The following TTBK2 variants were observed in gnomAD, a reference collection of about 807,000 sequenced individuals.
TTBK2 encodes the protein tau tubulin kinase 2, also known as tau-tubulin kinase 2.
In TTBK2, 28 loss-of-function variants were observed where a neutral mutation model predicts 110.8. That is an observed-to-expected ratio of 0.25 (90% CI 0.19 to 0.35). The LOEUF is 0.35. Among genes scored for constraint, TTBK2 ranks in the 10% least tolerant of loss-of-function variants. The probability of loss-of-function intolerance (pLI) is 1.00; values close to 1 mark genes in which losing one functional copy is unlikely to be tolerated. For synonymous variants in TTBK2, 532 were observed against 527.3 expected, an observed-to-expected ratio of 1.01 and a Z score of -0.12; for missense variants, 1,369 against 1,500.3, an observed-to-expected ratio of 0.91 and a Z score of 1.45.
intron 3 of TTBK2, among the ~76,000 whole-genome samples, chr15:42,853,506 T>C (rs894004041): frequency 6.6e-6 from 1 of 152,144 alleles, no homozygotes; most frequent in Non-Finnish European, 1.5e-5. Context: ...TAAATAATCC[T>C]TCAATTAATT....
intron 14 of TTBK2, among the ~76,000 whole-genome samples, chr15:42,747,922 T>G (rs1595873175): frequency 6.6e-6 from 1 of 152,110 alleles, no homozygotes; most frequent in East Asian, 1.9e-4. Flanking sequence ...ATGATACACT[T>G]TAGATCGATA....
At chr15:42,829,668 G>A (rs922354336) in intron 5 of TTBK2, among the ~76,000 whole-genome samples, 1 of 152,132 alleles carries the variant, frequency 6.6e-6, no homozygotes, top group Non-Finnish European at 1.5e-5. Flanking sequence ...CTGAGTAGCT[G>A]GGACTATGGG....
chr15:42,812,673 G>T (rs1315860788), intron 7 of TTBK2, among the ~76,000 whole-genome samples: 1 of 152,038 alleles, frequency 6.6e-6, no homozygotes, highest in South Asian at 2.1e-4. Context: ...AGTATCCCAG[G>T]ATTTCAGAAA....
At chr15:42,802,570 AAAAAT>A (rs767068845) in intron 9 of TTBK2, among the ~76,000 whole-genome samples, 3 of 152,348 alleles carry the variant, frequency 2.0e-5, no homozygotes, top group South Asian at 2.1e-4. Flanking sequence ...CTAAACCAGC[AAAAAT>A]AAAATAAAAT....
chr15:42,834,547 G>T (rs1016917698), intron 4 of TTBK2, among the ~76,000 whole-genome samples: 1 of 152,130 alleles, frequency 6.6e-6, no homozygotes, highest in Non-Finnish European at 1.5e-5. Context: ...AAAGACTGCT[G>T]CAGCCTAGTC....
In TTBK2 at chr15:42,845,633, C is replaced by CAA. The variant is rs894783459; in HGVS notation, c.218-5202_218-5201dup. ...TGGGCGACAGAGCAAGGCTGCATCT[C>CAA]AAAAAAAAAAAAAAAAAAAAAAAAA... On this transcript the variant is annotated intron_variant, in intron 3 of 14. Transcript: ENST00000267890. Among the ~76,000 whole-genome samples the CAA allele has an allele frequency of 2.6e-3, 40 of 15,226 alleles. 2 individuals are homozygous for CAA. The highest frequency in any genetic ancestry group is 5.0e-3 in the Non-Finnish European group (24 of 4,782). The allele number at this position is 15,226 out of a possible 152,430, so 10.0% of individuals were successfully genotyped here. A position where few individuals can be genotyped will look rare whatever the true frequency, so the allele number is the denominator to read the frequency against.
At chr15:42,884,798 T>C (rs1453334713) in intron 1 of TTBK2, among the ~76,000 whole-genome samples, 1 of 152,228 alleles carries the variant, frequency 6.6e-6, no homozygotes, top group African/African-American at 2.4e-5. Context: ...TCATATCCCC[T>C]GTGACCTGCA....
At chr15:42,805,809 C>T (rs1891440476) in intron 9 of TTBK2, among the ~76,000 whole-genome samples, 1 of 152,214 alleles carries the variant, frequency 6.6e-6, no homozygotes, top group Admixed American at 6.5e-5. Context: ...ATCATCCACA[C>T]TATACCCTTT....
intron 10 of TTBK2, among the ~76,000 whole-genome samples, chr15:42,793,588 C>T (rs548591955): frequency 1.3e-5 from 2 of 151,874 alleles, no homozygotes. Context: ...GTGGCTCACG[C>T]CTGTAATCCC....
At chr15:42,833,492 C>T (rs972523834) in intron 4 of TTBK2, among the ~76,000 whole-genome samples, 1 of 152,012 alleles carries the variant, frequency 6.6e-6, no homozygotes, top group Non-Finnish European at 1.5e-5. Context: ...TATTATTCAC[C>T]TCCCCATCCA....
chr15:42,790,435 A>C (rs924537429), intron 10 of TTBK2, among the ~76,000 whole-genome samples: 6 of 148,668 alleles, frequency 4.0e-5, no homozygotes, highest in Non-Finnish European at 3.0e-5. Context: ...TAGGTGCACA[A>C]CACCACACCC....
intron 13 of TTBK2, among the ~76,000 whole-genome samples, chr15:42,770,181 C>A (rs577291224): frequency 6.6e-6 from 1 of 151,992 alleles, no homozygotes; most frequent in East Asian, 1.9e-4. Context: ...ACCAACATGG[C>A]ACATGTATAC....
chr15:42,788,461 TG>T (rs1890504512), intron 10 of TTBK2, among the ~76,000 whole-genome samples: 1 of 152,190 alleles, frequency 6.6e-6, no homozygotes, highest in Non-Finnish European at 1.5e-5. Context: ...TCTGTTCACT[TG>T]ATCTGTCTTA....
Position 42,794,724 on chromosome 15 carries a change from A to G in TTBK2, c.900T>C (p.Thr300=), listed in dbSNP as rs1890857510. 3 of 1,614,202 alleles carry G rather than the reference A, an allele frequency of 1.9e-6. No individual in the cohort carries two copies. Among genetic ancestry groups the G allele is most frequent in the Non-Finnish European group, 2.5e-6 (3 of 1,180,044 alleles). Residue 300 remains threonine (T), a synonymous_variant, in exon 10 of 15, where the codon ACT becomes ACC. Coordinates refer to ENST00000267890, the MANE Select transcript of TTBK2 (RefSeq NM_173500.4). ...TGGTTGTTAGGGAGCCATCATTTCC[A>G]GTCTTCTCCCAGTCAAAAGGGTCAC... ...IESDPFDWEK[T]GNDGSLTTTT...
intron 1 of TTBK2, among the ~76,000 whole-genome samples, chr15:42,914,535 A>C (rs1464667713): frequency 2.6e-5 from 4 of 152,156 alleles, no homozygotes; most frequent in Non-Finnish European, 5.9e-5. Context: ...GAACTCTGTC[A>C]GTATTCAAGT....
At chr15:42,827,682 A>G (rs1397731464) in intron 6 of TTBK2, among the ~76,000 whole-genome samples, 1 of 152,184 alleles carries the variant, frequency 6.6e-6, no homozygotes. Context: ...AATGACCCCT[A>G]ATCTCAAAGG....
chr15:42,878,810 G>A, intron 1 of TTBK2, 126 bp from the exon 2 acceptor site: 2 of 1,247,844 alleles, frequency 1.6e-6, no homozygotes, highest in East Asian at 2.7e-5. Flanking sequence ...TGGGAAGAAG[G>A]GGAAAAAGAC....
chr15:42,809,570 T>C (rs1891613723), intron 9 of TTBK2, among the ~76,000 whole-genome samples: 1 of 152,226 alleles, frequency 6.6e-6, no homozygotes, highest in Non-Finnish European at 1.5e-5. Flanking sequence ...CTTTAAGTAA[T>C]GTGAACTGTA....
At position 42,878,005 on chromosome 15, in the gene TTBK2, C is replaced by A. The variant is rs1197125351; in HGVS notation, c.69+544G>T. ...TAAGTCTATTTTTTATGTATACTTA[C>A]AATTTTCCTTAATAAAAAAAAAAAA... is the stretch of plus-strand genomic sequence containing the variant. On this transcript the variant is annotated intron_variant, in intron 2 of 14. Transcript: ENST00000267890. Among the ~76,000 whole-genome samples the A allele has an allele frequency of 8.3e-5, 12 of 144,228 alleles. No homozygotes were observed. The East Asian group carries it at 2.2e-3, about 27-fold the overall frequency. The allele number at this position is 144,228 out of a possible 152,430, so 94.6% of individuals were successfully genotyped here.
Sources: allele counts gnomAD v4.1 joint callset (sites outside exome capture counted in the v4.1 genomes callset), GRCh38; gene constraint gnomAD v4.1.1; transcripts MANE v1.5; gene names NCBI Gene and HGNC (gene_info 2026-07-23, HGNC 2026-07-21).